Variants in CLTCL1 observed in about 807,000 individuals in gnomAD.
CLTCL1 encodes clathrin heavy chain like 1.
A neutral mutation model predicts 190.0 loss-of-function variants in CLTCL1; 159 were observed. The observed-to-expected ratio is 0.84, with a 90% confidence interval of 0.74 to 0.95. CLTCL1 has a LOEUF of 0.95. Among genes scored for constraint, CLTCL1 ranks in the 40% least tolerant of loss-of-function variants. The pLI is 0.00. For missense variants in CLTCL1, 1,878 were observed against 2,033.4 expected (o/e 0.92, Z 1.47); for synonymous variants, 752 against 769.6 (o/e 0.98, Z 0.38).
chr22:19,183,208 C>T, intron 30 of CLTCL1, 182 bp downstream of exon 30: 5 of 594,212 alleles, frequency 8.4e-6, no homozygotes, highest in South Asian at 4.0e-5. Flanking sequence ...AGGGGCTTAA[C>T]GTTGGGCAGA....
At chr22:19,263,259 A>ATT (rs530354733) in intron 2 of CLTCL1, among the ~76,000 whole-genome samples, 6 of 135,682 alleles carry the variant, frequency 4.4e-5, no homozygotes, top group Non-Finnish European at 6.4e-5. Context: ...CACACCCAGA[A>ATT]TTTTTTTTTT....
intron 1 of CLTCL1, among the ~76,000 whole-genome samples, chr22:19,283,991 CAAAA>C (rs1221211147): frequency 4.8e-5 from 3 of 62,444 alleles, no homozygotes; most frequent in African/African-American, 5.9e-5. Context: ...GACCCTGTCT[CAAAA>C]AAAAAAAAAA....
chr22:19,193,073 C>A (rs1157008389), intron 26 of CLTCL1, among the ~76,000 whole-genome samples: 5 of 152,230 alleles, frequency 3.3e-5, no homozygotes, highest in African/African-American at 1.2e-4. Flanking sequence ...CCACCTGCTT[C>A]CCCACCAACC....
chr22:19,191,263 A>G, intron 27 of CLTCL1, 41 bp downstream of exon 27: 1 of 1,612,148 alleles, frequency 6.2e-7, no homozygotes, highest in Non-Finnish European at 8.5e-7. Flanking sequence ...TGTTAGAGCT[A>G]GCCCAATACA....
intron 1 of CLTCL1, among the ~76,000 whole-genome samples, chr22:19,279,604 C>A (rs1420382654): frequency 6.6e-6 from 1 of 152,164 alleles, no homozygotes; most frequent in Non-Finnish European, 1.5e-5. Flanking sequence ...TTCTTGAAGC[C>A]AAGTAAATGT....
At chr22:19,241,336 C>T (rs1187032548) in intron 4 of CLTCL1, among the ~76,000 whole-genome samples, 1 of 152,220 alleles carries the variant, frequency 6.6e-6, no homozygotes, top group Non-Finnish European at 1.5e-5. Context: ...CCTGCTGCAT[C>T]TGTAAAGGAG....
At chr22:19,263,868 T>C (rs1555976751) in intron 2 of CLTCL1, among the ~76,000 whole-genome samples, 1 of 152,232 alleles carries the variant, frequency 6.6e-6, no homozygotes, top group East Asian at 1.9e-4. Flanking sequence ...CTTTTTATTG[T>C]GGTAGTTTGG....
chr22:19,199,650 G>C (rs1359928540), intron 24 of CLTCL1, 84 bp downstream of exon 24: 33 of 986,772 alleles, frequency 3.3e-5, no homozygotes, highest in Non-Finnish European at 5.0e-5. Context: ...TGATGGTCAC[G>C]AGCTAAGGGG....
At chr22:19,188,841 C>T (rs2084399562) in intron 27 of CLTCL1, among the ~76,000 whole-genome samples, 1 of 151,314 alleles carries the variant, frequency 6.6e-6, no homozygotes, top group Non-Finnish European at 1.5e-5. Context: ...TCTCGAACTC[C>T]TGAACTCAGG....
intron 23 of CLTCL1, among the ~76,000 whole-genome samples, chr22:19,200,876 GCCTTGACATTAGA>G (rs2084861204): frequency 6.6e-6 from 1 of 151,954 alleles, no homozygotes; most frequent in African/African-American, 2.4e-5. Flanking sequence ...CAAACAAAAG[GCCTTGACATTAGA>G]CCTTTAGGCT....
intron 31 of CLTCL1, 106 bp from the exon 32 acceptor site, chr22:19,180,344 G>T: frequency 8.1e-7 from 1 of 1,239,510 alleles, no homozygotes; most frequent in Non-Finnish European, 1.2e-6. Context: ...GCCTGTGTTT[G>T]CCCCACAGTG....
At chr22:19,270,002 C>T (rs1555979780) in intron 2 of CLTCL1, among the ~76,000 whole-genome samples, 1 of 150,080 alleles carries the variant, frequency 6.7e-6, no homozygotes, top group Non-Finnish European at 1.5e-5. Flanking sequence ...TATGTCCACA[C>T]AAAGACTTGT....
intron 1 of CLTCL1, among the ~76,000 whole-genome samples, chr22:19,290,906 C>T (rs1555992968): frequency 6.6e-6 from 1 of 152,188 alleles, no homozygotes; most frequent in African/African-American, 2.4e-5. Context: ...CTGGCTATCC[C>T]TCCTCTGCCG....
chr22:19,180,284 C>T (rs781970199), intron 31 of CLTCL1, 46 bp from the exon 32 acceptor site: 37 of 1,610,646 alleles, frequency 2.3e-5, no homozygotes, highest in African/African-American at 1.1e-4. Context: ...CACACTCAGC[C>T]GGACGCTGGA....
At chr22:19,200,851 A>C (rs1411119154) in intron 23 of CLTCL1, among the ~76,000 whole-genome samples, 1 of 152,162 alleles carries the variant, frequency 6.6e-6, no homozygotes, top group African/African-American at 2.4e-5. Flanking sequence ...CAAAAACAAA[A>C]ACAAAACAAA....
chr22:19,238,671 C>A, intron 5 of CLTCL1: 1 of 180,946 alleles, frequency 5.5e-6, no homozygotes, highest in Non-Finnish European at 1.2e-5. Flanking sequence ...TCCCAACCTT[C>A]TTGATGTAAA....
chr22:19,213,684 G>A (rs117556531), intron 19 of CLTCL1, among the ~76,000 whole-genome samples: 1,723 of 152,256 alleles, frequency 0.011, 16 homozygotes, highest in Non-Finnish European at 0.016. Context: ...CTGTCACAGA[G>A]GAGTCTATAC....
chr22:19,252,254 A>T (rs1280523423), intron 3 of CLTCL1, among the ~76,000 whole-genome samples: 2 of 152,114 alleles, frequency 1.3e-5, no homozygotes, highest in Non-Finnish European at 2.9e-5. Flanking sequence ...AAGAAGGAAA[A>T]TTAATTACAT....
intron 22 of CLTCL1, among the ~76,000 whole-genome samples, chr22:19,203,772 A>G (rs1175340744): frequency 2.6e-5 from 4 of 152,008 alleles, no homozygotes; most frequent in Admixed American, 1.3e-4. Context: ...CCTAACTCCT[A>G]CTTCCAGCTG....
Sources: allele counts gnomAD v4.1 joint callset (sites outside exome capture counted in the v4.1 genomes callset), GRCh38; gene constraint gnomAD v4.1.1; transcripts MANE v1.5; gene names NCBI Gene and HGNC (gene_info 2026-07-23, HGNC 2026-07-21).